Variants in CWH43 observed in about 807,000 individuals in gnomAD.
CWH43 encodes cell wall biogenesis 43 C-terminal homolog.
CWH43 carries 91 observed loss-of-function variants against 85.7 expected under a neutral mutation model. That is an observed-to-expected ratio of 1.06 (90% CI 0.90 to 1.26). The LOEUF (loss-of-function observed/expected upper bound fraction) is 1.26. CWH43 is among the 50% of genes most tolerant of loss of function. The pLI, the probability that CWH43 is intolerant of heterozygous loss-of-function variation, is 0.00. For missense variants in CWH43, 869 were observed against 839.2 expected, an observed-to-expected ratio of 1.04 and a Z score of -0.44; for synonymous variants, 323 against 293.6, an observed-to-expected ratio of 1.10 and a Z score of -1.02.
At chr4:49,026,476 G>A (rs180922325) in intron 9 of CWH43, among the ~76,000 whole-genome samples, 2 of 152,278 alleles carry the variant, frequency 1.3e-5, no homozygotes, top group Admixed American at 1.3e-4. Flanking sequence ...CTGCAAGTTA[G>A]TTTTGCCTCC....
intron 15 of CWH43, among the ~76,000 whole-genome samples, chr4:49,053,145 T>C (rs1784849836): frequency 6.6e-6 from 1 of 152,238 alleles, no homozygotes; most frequent in South Asian, 2.1e-4. Context: ...TACTATTCCA[T>C]ACATATGTAT....
chr4:49,014,985 C>G (rs540320089), intron 8 of CWH43, among the ~76,000 whole-genome samples: 1 of 152,142 alleles, frequency 6.6e-6, no homozygotes, highest in Admixed American at 6.6e-5. Context: ...AGTGCGGTAT[C>G]ATACAGAATA....
At chr4:49,036,255 C>T (rs1784259058) in intron 12 of CWH43, among the ~76,000 whole-genome samples, 2 of 152,148 alleles carry the variant, frequency 1.3e-5, no homozygotes, top group Admixed American at 1.3e-4. Context: ...GAAGGAAGTC[C>T]AGGAGATGAA....
chr4:49,015,063 C>T (rs1038589849), intron 8 of CWH43, among the ~76,000 whole-genome samples: 2 of 152,154 alleles, frequency 1.3e-5, no homozygotes, highest in Non-Finnish European at 2.9e-5. Flanking sequence ...CCCCTGGCAA[C>T]CACTAATGTT....
chr4:49,014,063 T>G (rs983100247), intron 8 of CWH43, among the ~76,000 whole-genome samples: 2 of 152,166 alleles, frequency 1.3e-5, no homozygotes, highest in African/African-American at 4.8e-5. Context: ...AAAAAACAAT[T>G]AAGAAGCTGT....
chr4:49,026,460 TG>T (rs946201225), intron 9 of CWH43, among the ~76,000 whole-genome samples: 3 of 152,220 alleles, frequency 2.0e-5, no homozygotes, highest in Non-Finnish European at 4.4e-5. Flanking sequence ...TCTGTTGAAG[TG>T]GGAGCTGCAA....
intron 9 of CWH43, among the ~76,000 whole-genome samples, chr4:49,018,323 C>T (rs1373881004): frequency 6.6e-6 from 1 of 152,140 alleles, no homozygotes; most frequent in Non-Finnish European, 1.5e-5. Flanking sequence ...CCAACTCCAA[C>T]ACTAGAGGTT....
At chr4:49,060,572 T>G (rs1165030447) in intron 15 of CWH43, among the ~76,000 whole-genome samples, 1 of 152,142 alleles carries the variant, frequency 6.6e-6, no homozygotes, top group Non-Finnish European at 1.5e-5. Context: ...TTTTACCCTA[T>G]GCAGAGAGTA....
At chr4:49,053,996 A>C (rs1784878491) in intron 15 of CWH43, among the ~76,000 whole-genome samples, 1 of 152,126 alleles carries the variant, frequency 6.6e-6, no homozygotes. Flanking sequence ...TTTCTTTGCT[A>C]TATAGAAGCT....
intron 15 of CWH43, among the ~76,000 whole-genome samples, chr4:49,059,023 A>G (rs1450016871): frequency 6.6e-6 from 1 of 152,118 alleles, no homozygotes; most frequent in Non-Finnish European, 1.5e-5. Flanking sequence ...CAAATTTGGA[A>G]AGTTCAGCTG....
chr4:48,986,534 C>G, intron 1 of CWH43, 62 bp downstream of exon 1: 1 of 1,545,958 alleles, frequency 6.5e-7, no homozygotes, highest in Non-Finnish European at 8.7e-7. Context: ...TGTCCAGAGC[C>G]GTGGAGCCAG....
intron 12 of CWH43, among the ~76,000 whole-genome samples, chr4:49,035,175 C>A (rs1784229112): frequency 6.6e-6 from 1 of 152,130 alleles, no homozygotes; most frequent in South Asian, 2.1e-4. Context: ...TACACAAATT[C>A]TTACTGTGAA....
chr4:48,991,474 G>C lies in CWH43; in HGVS notation c.256G>C (p.Ala86Pro). The C allele has an allele frequency of 6.2e-7, 1 of 1,614,016 alleles. No individual in the cohort carries two copies. The highest frequency in any genetic ancestry group is 8.5e-7 in the Non-Finnish European group (1 of 1,179,968). Residue 86 changes from alanine to proline, a missense_variant, in exon 3 of 16, where the codon GCT (alanine) becomes CCT (proline). By Grantham distance (27) the Ala-to-Pro change is conservative. Coordinates refer to ENST00000226432, the MANE Select transcript of CWH43 (RefSeq NM_025087.3). The stretch of plus-strand genomic sequence containing the variant: ...TGTAGGCAGCATAGCCTCCTTCCAG[G>C]CTCCAAATGCCAAACTTCGACTGAT... Reference protein sequence around the residue: ...ITIGSIASFQAPNAKLRLMVL... With the variant: ...ITIGSIASFQPPNAKLRLMVL...
At chr4:49,059,580 C>G (rs1381521585) in intron 15 of CWH43, among the ~76,000 whole-genome samples, 2 of 152,208 alleles carry the variant, frequency 1.3e-5, no homozygotes, top group African/African-American at 4.8e-5. Flanking sequence ...CTAGTCTTTA[C>G]AGATTGGCTT....
At chr4:49,034,144 A>G (rs1784189818) in intron 12 of CWH43, among the ~76,000 whole-genome samples, 1 of 152,212 alleles carries the variant, frequency 6.6e-6, no homozygotes, top group African/African-American at 2.4e-5. Context: ...TGGAGGATGG[A>G]TGATATAGAT....
intron 13 of CWH43, among the ~76,000 whole-genome samples, chr4:49,042,224 G>A (rs1577702811): frequency 6.6e-6 from 1 of 152,182 alleles, no homozygotes; most frequent in South Asian, 2.1e-4. Flanking sequence ...TTTGGGCTGT[G>A]GACCCGGGTT....
At chr4:49,032,888 G>A (rs1291597263) in intron 12 of CWH43, among the ~76,000 whole-genome samples, 173 bp downstream of exon 12, 1 of 152,206 alleles carries the variant, frequency 6.6e-6, no homozygotes, top group Non-Finnish European at 1.5e-5. Flanking sequence ...GATGCAGGCA[G>A]CCGTTAGTGC....
intron 1 of CWH43, among the ~76,000 whole-genome samples, chr4:48,987,056 A>G (rs1469644119): frequency 6.6e-6 from 1 of 152,084 alleles, no homozygotes; most frequent in Admixed American, 6.5e-5. Flanking sequence ...TTATTGGTGT[A>G]ATTCTGTCGG....
At chr4:49,059,627 A>T (rs1179140256) in intron 15 of CWH43, among the ~76,000 whole-genome samples, 2 of 152,138 alleles carry the variant, frequency 1.3e-5, no homozygotes, top group Non-Finnish European at 2.9e-5. Context: ...TGGTCCAAAG[A>T]TTCTCAGTGG....
Sources: allele counts gnomAD v4.1 joint callset (sites outside exome capture counted in the v4.1 genomes callset), GRCh38; gene constraint gnomAD v4.1.1; transcripts MANE v1.5; gene names NCBI Gene and HGNC (gene_info 2026-07-23, HGNC 2026-07-21).